The following KCNIP2 variants were observed in gnomAD, a reference collection of about 807,000 sequenced individuals.
The protein encoded by KCNIP2 is potassium voltage-gated channel interacting protein 2, also known as A-type potassium channel modulatory protein KCNIP2.
A neutral mutation model predicts 39.0 loss-of-function variants in KCNIP2; 19 were observed. The ratio of observed to expected loss-of-function variants is 0.49; its 90% CI spans 0.34 to 0.71. The LOEUF is 0.71. KCNIP2 is among the 30% of genes least tolerant of loss of function. The pLI is 0.01. For synonymous variants in KCNIP2, 111 were observed against 131.2 expected (o/e 0.85, Z 1.05); for missense variants, 261 against 346.0 (o/e 0.75, Z 1.95).
At chr10:101,840,936 C>T (rs960013292) in intron 1 of KCNIP2, among the ~76,000 whole-genome samples, 5 of 152,198 alleles carry the variant, frequency 3.3e-5, no homozygotes, top group Admixed American at 2.6e-4. Flanking sequence ...GCCAGCCAGG[C>T]TCCAACCCTC....
rs750547900 is a variant in KCNIP2, at chr10:101,828,736, T to C, written c.349-40A>G. On this transcript the variant is annotated intron_variant, in intron 4 of 9. Coordinates refer to ENST00000356640, the MANE Select transcript of KCNIP2 (RefSeq NM_173191.3). This position sits in a 1 kb window ranked among gnomAD's most constrained non-coding sequence, Gnocchi z 6.6. The stretch of plus-strand genomic sequence containing the variant: ...CACCAGGCTGAGGGCAGAGACAAAA[T>C]CCCCTTCCGTTCACCGCCCCCACCC... 6.2e-7 allele frequency: 1 copy of C among 1,613,468 alleles called. No homozygotes were observed. The highest frequency in any genetic ancestry group is 2.2e-5 in the East Asian group (1 of 44,862).
Position 101,828,709 on chromosome 10 carries a change from G to A in KCNIP2, c.349-13C>T. ...CGCTGGGACATTCCTGGAAGGAGAGGGCACCAGGCTGAGGGCAGAGACAAA... is the reference window on the plus strand; with the variant it reads ...CGCTGGGACATTCCTGGAAGGAGAGAGCACCAGGCTGAGGGCAGAGACAAA... On this transcript the variant is annotated splice_polypyrimidine_tract_variant and intron_variant, in intron 4 of 9. Coordinates refer to ENST00000356640, the MANE Select transcript of KCNIP2 (RefSeq NM_173191.3). This position sits in a 1 kb window ranked among gnomAD's most constrained non-coding sequence, Gnocchi z 6.6. 6.2e-7 allele frequency: 1 copy of A among 1,614,126 alleles called. No homozygotes were observed. The highest frequency in any genetic ancestry group is 8.5e-7 in the Non-Finnish European group (1 of 1,180,018).
chr10:101,828,143 C>T lies in KCNIP2; in HGVS notation c.597+8G>A. 1.9e-6 allele frequency: 3 copies of T among 1,612,246 alleles called. No homozygotes were observed. The highest frequency in any genetic ancestry group is 2.5e-6 in the Non-Finnish European group (3 of 1,178,294). On this transcript the variant is annotated splice_region_variant and intron_variant, in intron 7 of 9. Coordinates refer to ENST00000356640, the MANE Select transcript of KCNIP2 (RefSeq NM_173191.3). The surrounding 1 kb of genome is among the most constrained non-coding windows in gnomAD (Gnocchi z 6.6). ...CCACAGACCCCCAGCCCTTCAGTTGCCCTGCACCTCCTTGGTGATGCAGCC... is the reference window on the plus strand; with the variant it reads ...CCACAGACCCCCAGCCCTTCAGTTGTCCTGCACCTCCTTGGTGATGCAGCC...
intron 1 of KCNIP2, among the ~76,000 whole-genome samples, chr10:101,833,668 C>T (rs1436632796): frequency 6.6e-6 from 1 of 152,132 alleles, no homozygotes; most frequent in East Asian, 1.9e-4. Context: ...TGCCCTGTCA[C>T]TCTCACACAT....
Position 101,843,381 on chromosome 10 carries a change from G to A in KCNIP2, c.73+115C>T. 1.7e-6 allele frequency: 1 copy of A among 594,188 alleles called. No individual in the cohort carries two copies. The highest frequency in any genetic ancestry group is 2.6e-6 in the Non-Finnish European group (1 of 380,498). 36.8% of individuals were successfully genotyped at this position (594,188 alleles called of 1,614,324 possible). ...CCTGCCGCCCAGACCGGCCATAAGA[G>A]TGCCTGGGAATGGGGCAGAGTGTGG... is the stretch of plus-strand genomic sequence containing the variant. On this transcript the variant is annotated intron_variant, in intron 1 of 9. Coordinates refer to ENST00000356640, the MANE Select transcript of KCNIP2 (RefSeq NM_173191.3). This position sits in a 1 kb window ranked among gnomAD's most constrained non-coding sequence, Gnocchi z 6.7.
chr10:101,832,295 A>ACT (rs980632757), intron 1 of KCNIP2, among the ~76,000 whole-genome samples: 7 of 98,664 alleles, frequency 7.1e-5, no homozygotes, highest in Non-Finnish European at 1.2e-4. Flanking sequence ...CCTCAGTGTT[A>ACT]CTGTGTGTGT....
At chr10:101,837,593 G>C (rs2066202629) in intron 1 of KCNIP2, among the ~76,000 whole-genome samples, 1 of 152,126 alleles carries the variant, frequency 6.6e-6, no homozygotes, top group African/African-American at 2.4e-5. Flanking sequence ...TTGAACCTGG[G>C]AGGCGGAGGT....
At chr10:101,830,383 G>T in intron 2 of KCNIP2, 10 of 1,282,176 alleles carry the variant, frequency 7.8e-6, no homozygotes, top group Non-Finnish European at 1.0e-5. Flanking sequence ...TCCAAAACAC[G>T]GTGGGGAAGG....
chr10:101,829,481 C>T lies in KCNIP2; in HGVS notation c.224-282G>A. 8.2e-6 allele frequency: 4 copies of T among 487,074 alleles called. No homozygotes were observed. The South Asian group carries it at 1.2e-4, about 15-fold the overall frequency. The allele number at this position is 487,074 out of a possible 1,614,324, so 30.2% of individuals were successfully genotyped here. On this transcript the variant is annotated intron_variant, in intron 3 of 9. Coordinates refer to ENST00000356640, the MANE Select transcript of KCNIP2 (RefSeq NM_173191.3). ...TCGATCCCTCGTTGGAGGGGAAGGCCCCCAGCCGCATCTTCGTTTTAGAAA... is the reference window on the plus strand; with the variant it reads ...TCGATCCCTCGTTGGAGGGGAAGGCTCCCAGCCGCATCTTCGTTTTAGAAA...
chr10:101,839,704 C>T lies in KCNIP2; in HGVS notation c.73+3792G>A. On this transcript the variant is annotated intron_variant, in intron 1 of 9. Transcript: ENST00000356640. ...CCTCTGCGGAGCTCCTAACCCACTT[C>T]GCTCACTTTTTGAAGGATCCTGCCC... 3.8e-6 allele frequency: 6 copies of T among 1,563,426 alleles called. No individual in the cohort carries two copies. In the East Asian group the frequency reaches 9.0e-5, roughly 24 times the overall value.
chr10:101,831,479 C>T (rs2065991592), intron 1 of KCNIP2, among the ~76,000 whole-genome samples: 1 of 152,176 alleles, frequency 6.6e-6, no homozygotes, highest in Non-Finnish European at 1.5e-5. Context: ...CTGGACCTCT[C>T]AGGATGATGT....
At position 101,828,185 on chromosome 10, in the gene KCNIP2, T is replaced by A. The variant is rs1396275107; in HGVS notation, c.563A>T (p.Tyr188Phe). Residue 188 changes from tyrosine to phenylalanine, a missense_variant, in exon 7 of 10, where the codon TAT becomes TTT. Tyr to Phe is a conservative substitution (Grantham distance 22). Coordinates refer to ENST00000356640, the MANE Select transcript of KCNIP2 (RefSeq NM_173191.3). This position sits in a 1 kb window ranked among gnomAD's most constrained non-coding sequence, Gnocchi z 6.6. The part of the protein sequence containing the change: ...DDRLNWAFNL[Y>F]DLNKDGCITK... ...GATGCAGCCGTCCTTGTTAAGGTCA[T>A]ACAGGTTGAAGGCCCAATTAAGCCT... is the stretch of plus-strand genomic sequence containing the variant. 6.2e-7 allele frequency: 1 copy of A among 1,613,964 alleles called. No homozygotes were observed. The highest frequency in any genetic ancestry group is 8.5e-7 in the Non-Finnish European group (1 of 1,180,012).
intron 1 of KCNIP2, among the ~76,000 whole-genome samples, chr10:101,835,223 C>A (rs1650149427): frequency 6.6e-6 from 1 of 152,146 alleles, no homozygotes; most frequent in Non-Finnish European, 1.5e-5. Context: ...AAGGCAGTGA[C>A]CTCTCCTGCT....
intron 1 of KCNIP2, chr10:101,839,739 C>G: frequency 6.2e-7 from 1 of 1,612,024 alleles, no homozygotes; most frequent in South Asian, 1.1e-5. Context: ...CCTCCCTTCC[C>G]TTCCTCATCA....
rs767627046 is a variant in KCNIP2 at position 101,831,097 on chromosome 10, G to C, written c.144C>G (p.Pro48=). 1.2e-6 allele frequency: 2 copies of C among 1,613,626 alleles called. No individual in the cohort carries two copies. The highest frequency in any genetic ancestry group is 1.7e-6 in the Non-Finnish European group (2 of 1,179,954). Residue 48 remains proline, a synonymous_variant, in exon 2 of 10, where the codon CCC becomes CCG. Coordinates refer to ENST00000356640, the MANE Select transcript of KCNIP2 (RefSeq NM_173191.3). ...TTTCACTGACTGAGGGCAGGGCTTGGGGCCCGCAGCACGGCAGCAGCTTGA... is the reference window on the plus strand; with the variant it reads ...TTTCACTGACTGAGGGCAGGGCTTGCGGCCCGCAGCACGGCAGCAGCTTGA... ...RFLKLLPCCG[P]QALPSVSETL... is the part of the protein sequence containing the mutation.
intron 1 of KCNIP2, among the ~76,000 whole-genome samples, chr10:101,833,938 A>G (rs1244970663): frequency 1.3e-5 from 2 of 151,104 alleles, no homozygotes; most frequent in Non-Finnish European, 3.0e-5. Flanking sequence ...CTCCTTCCCT[A>G]TCTCCAGACC....
At chr10:101,841,681 C>T (rs1368557182) in intron 1 of KCNIP2, among the ~76,000 whole-genome samples, 1 of 152,220 alleles carries the variant, frequency 6.6e-6, no homozygotes. Flanking sequence ...ACAAAAGTCA[C>T]ATAGCTGGTA....
intron 1 of KCNIP2, among the ~76,000 whole-genome samples, chr10:101,836,358 C>G (rs1489760938): frequency 1.3e-5 from 2 of 148,998 alleles, no homozygotes; most frequent in East Asian, 3.9e-4. Flanking sequence ...TCTCGTGCCT[C>G]AGCCACCGAA....
Position 101,828,150 on chromosome 10 carries a change from C to G in KCNIP2, c.597+1G>C. 1.2e-6 allele frequency: 2 copies of G among 1,611,936 alleles called. No individual in the cohort carries two copies. Among genetic ancestry groups the G allele is most frequent in the Non-Finnish European group, 1.7e-6 (2 of 1,177,978 alleles). On this transcript the variant is annotated splice_donor_variant, in intron 7 of 9. Coordinates refer to ENST00000356640, the MANE Select transcript of KCNIP2 (RefSeq NM_173191.3). LOFTEE classifies it high-confidence loss of function. The surrounding 1 kb of genome is among the most constrained non-coding windows in gnomAD (Gnocchi z 6.6). ...CCCCCAGCCCTTCAGTTGCCCTGCACCTCCTTGGTGATGCAGCCGTCCTTG... is the reference window on the plus strand; with the variant it reads ...CCCCCAGCCCTTCAGTTGCCCTGCAGCTCCTTGGTGATGCAGCCGTCCTTG...
Sources: allele counts gnomAD v4.1 joint callset (sites outside exome capture counted in the v4.1 genomes callset), GRCh38; gene constraint gnomAD v4.1.1; non-coding constraint Gnocchi (gnomAD v3.1); transcripts MANE v1.5; gene names NCBI Gene and HGNC (gene_info 2026-07-23, HGNC 2026-07-21).